The following SRR variants were observed in gnomAD, a reference collection of about 807,000 sequenced individuals.
SRR encodes the protein serine racemase, also known as D-serine ammonia-lyase.
A neutral mutation model predicts 32.7 loss-of-function variants in SRR; 19 were observed. That is an observed-to-expected ratio of 0.58 (90% CI 0.40 to 0.85). The LOEUF (loss-of-function observed/expected upper bound fraction) is 0.85. Among genes scored for constraint, SRR ranks in the 40% least tolerant of loss-of-function variants. SRR has a pLI of 0.00. For missense variants in SRR, 373 were observed against 404.7 expected (o/e 0.92, Z 0.67); for synonymous variants, 142 against 140.9 (o/e 1.01, Z -0.06).
rs538848706 is a variant in SRR at position 2,317,328 on chromosome 17, G to A, written c.169-542G>A. On this transcript the variant is annotated intron_variant, in intron 2 of 7. Transcript: ENST00000344595. ...AGATCGAGACCATCCTGGCTAACAC[G>A]GGGAAACCCCGTCGCTACTAAAAAT... Among the ~76,000 whole-genome samples the A allele has an allele frequency of 3.9e-4, 59 of 151,612 alleles. No individual in the cohort carries two copies. In the Middle Eastern group the frequency reaches 0.017, roughly 44 times the overall value.
At chr17:2,307,851 A>G in intron 1 of SRR, 3 of 649,034 alleles carry the variant, frequency 4.6e-6, no homozygotes, top group South Asian at 4.6e-5. Flanking sequence ...TATGTTTTAG[A>G]CAAATACTCA....
chr17:2,319,756 G>A (rs2151435531), intron 4 of SRR, among the ~76,000 whole-genome samples: 1 of 151,650 alleles, frequency 6.6e-6, no homozygotes, highest in Non-Finnish European at 1.5e-5. Context: ...ATCCACCCTT[G>A]CCACACTACA....
In SRR at chr17:2,322,992, T is replaced by C. The variant is rs551045573; in HGVS notation, c.595-144T>C. The stretch of plus-strand genomic sequence containing the variant: ...GTTGGCCAGGCTGGTCTTGAACTCC[T>C]GACCTCAGCTGATCCACCCGCCTCG... On this transcript the variant is annotated intron_variant, in intron 6 of 7. Transcript: ENST00000344595. 19 of 750,212 alleles carry C rather than the reference T, an allele frequency of 2.5e-5. No homozygotes were observed. In the African/African-American group the frequency reaches 2.6e-4, roughly 10 times the overall value. 46.5% of individuals were successfully genotyped at this position (750,212 alleles called of 1,614,324 possible).
intron 1 of SRR, among the ~76,000 whole-genome samples, chr17:2,305,135 T>C (rs572599707): frequency 1.3e-5 from 2 of 152,308 alleles, no homozygotes; most frequent in Admixed American, 6.5e-5. Context: ...CAGTAGATGA[T>C]GGGTGAAAAG....
chr17:2,303,595 GGGCA>G, upstream of SRR: 1 of 1,390,884 alleles, frequency 7.2e-7, no homozygotes, highest in Non-Finnish European at 9.3e-7. Context: ...GAGGCGGGGC[GGGCA>G]GGCCCGGCCC....
upstream of SRR, chr17:2,303,594 C>G (rs1370542007): frequency 3.6e-6 from 5 of 1,380,042 alleles, no homozygotes; most frequent in Middle Eastern, 5.2e-4. Flanking sequence ...GGAGGCGGGG[C>G]GGGCAGGCCC....
intron 2 of SRR, 115 bp from the exon 3 acceptor site, chr17:2,317,755 A>C (rs959057692): frequency 8.9e-7 from 1 of 1,119,886 alleles, no homozygotes. Context: ...GTAAATCGAT[A>C]AGATTTGGTG....
intron 1 of SRR, among the ~76,000 whole-genome samples, chr17:2,308,860 T>C (rs2075413535): frequency 6.6e-6 from 1 of 151,956 alleles, no homozygotes; most frequent in African/African-American, 2.4e-5. Flanking sequence ...GGCTCATACC[T>C]GTAATCCCAG....
intron 4 of SRR, among the ~76,000 whole-genome samples, chr17:2,320,970 G>GATACCCCC (rs1174645864): frequency 6.6e-6 from 1 of 152,194 alleles, no homozygotes; most frequent in East Asian, 1.9e-4. Flanking sequence ...TCTTTGCACT[G>GATACCCCC]TTACCCCCTC....
chr17:2,305,946 G>A (rs1277858618), intron 1 of SRR, among the ~76,000 whole-genome samples: 4 of 151,256 alleles, frequency 2.6e-5, no homozygotes, highest in East Asian at 3.9e-4. Flanking sequence ...TGATCCACCC[G>A]CCTCAACCTC....
At chr17:2,318,619 A>ATTTTTGTT (rs2075498362) in intron 3 of SRR, among the ~76,000 whole-genome samples, 1 of 92,550 alleles carries the variant, frequency 1.1e-5, no homozygotes, top group East Asian at 3.2e-4. Context: ...ATGCCTGGCT[A>ATTTTTGTT]TTTTTTTTTT....
Position 2,318,877 on chromosome 17 carries a change from T to C in SRR, c.347T>C (p.Leu116Pro). ...VPQTAPDCKK[L>P]AIQAYGASIV... ...CAGACAGCTCCAGACTGTAAAAAAC[T>C]TGCAATACAAGCCTACGGAGCGTCA... Residue 116 changes from leucine (L) to proline (P), a missense_variant, in exon 4 of 8, where the codon CTT (leucine) becomes CCT (proline). Leu to Pro is a moderately conservative substitution (Grantham distance 98). Coordinates refer to ENST00000344595, the MANE Select transcript of SRR (RefSeq NM_021947.3). The C allele has an allele frequency of 6.2e-7, 1 of 1,613,860 alleles. No homozygotes were observed. The highest frequency in any genetic ancestry group is 8.5e-7 in the Non-Finnish European group (1 of 1,179,910).
intron 7 of SRR, 100 bp from the exon 8 acceptor site, chr17:2,323,555 A>G: frequency 7.6e-7 from 1 of 1,323,476 alleles, no homozygotes. Context: ...GTACACAGTG[A>G]TAAGAAAATT....
chr17:2,317,793 G>A, intron 2 of SRR, 77 bp from the exon 3 acceptor site: 1 of 1,500,236 alleles, frequency 6.7e-7, no homozygotes, highest in Non-Finnish European at 9.1e-7. Context: ...GTTAAGGATA[G>A]AAAATCTAGA....
At chr17:2,321,118 C>G (rs915997875) in intron 4 of SRR, among the ~76,000 whole-genome samples, 188 bp from the exon 5 acceptor site, 1 of 152,196 alleles carries the variant, frequency 6.6e-6, no homozygotes, top group African/African-American at 2.4e-5. Flanking sequence ...CATATATTTA[C>G]TTCATCCATC....
chr17:2,312,199 G>C (rs1053805924), intron 1 of SRR, among the ~76,000 whole-genome samples: 1 of 139,662 alleles, frequency 7.2e-6, no homozygotes, highest in Non-Finnish European at 1.5e-5. Context: ...CTGGACAACA[G>C]AGTGAGACCT....
rs562596554 is a variant in SRR, at chr17:2,313,404, T to C, written c.-4-2153T>C. On this transcript the variant is annotated intron_variant, in intron 1 of 7. Coordinates refer to ENST00000344595, the MANE Select transcript of SRR (RefSeq NM_021947.3). ...GAGATGGCGCCACCGCACTCCAGCC[T>C]GGCGGCAGAGCAAGACTCTCTCAAA... 3.5e-5 allele frequency among the ~76,000 whole-genome samples: 5 copies of C among 144,644 alleles called. No homozygotes were observed. In the East Asian group the frequency reaches 1.0e-3, roughly 29 times the overall value. The allele number at this position is 144,644 out of a possible 152,430, so 94.9% of individuals were successfully genotyped here. A position where few individuals can be genotyped will look rare whatever the true frequency, so the allele number is the denominator to read the frequency against.
chr17:2,318,835 C>T lies in SRR; in HGVS notation c.305C>T (p.Ala102Val). The change falls in exon 4 of 8, where the codon GCT becomes GTT. Residue 102 changes from alanine (A) to valine (V), a missense_variant. By Grantham distance (64) the Ala-to-Val change is moderately conservative. Coordinates refer to ENST00000344595, the MANE Select transcript of SRR (RefSeq NM_021947.3). ...TYAAKLEGIP[A>V]YIVVPQTAPD... ...CGTTTTCCTCTCCCAGGAATTCCTG[C>T]TTATATTGTGGTGCCCCAGACAGCT... 1.9e-6 allele frequency: 3 copies of T among 1,612,936 alleles called. No individual in the cohort carries two copies. Among genetic ancestry groups the T allele is most frequent in the Non-Finnish European group, 2.5e-6 (3 of 1,179,238 alleles).
At position 2,323,301 on chromosome 17, in the gene SRR, G is replaced by C; in HGVS notation, c.760G>C (p.Asp254His). The C allele has an allele frequency of 2.5e-6, 4 of 1,614,050 alleles. No homozygotes were observed. The highest frequency in any genetic ancestry group is 3.4e-6 in the Non-Finnish European group (4 of 1,179,938). ...IGLNTWPIIRDLVDDIFTVTE... is the reference protein window; with the variant it reads ...IGLNTWPIIRHLVDDIFTVTE... ...CTTGAACACCTGGCCTATTATCAGG[G>C]ACCTTGTGGATGATATCTTCACTGT... Residue 254 changes from aspartate (D) to histidine (H), a missense_variant, in exon 7 of 8, where the codon GAC becomes CAC. Coordinates refer to ENST00000344595, the MANE Select transcript of SRR (RefSeq NM_021947.3).
Sources: gnomAD v4.1 joint callset for allele counts (sites outside exome capture counted in the v4.1 genomes callset) on GRCh38, gnomAD v4.1.1 for gene constraint, MANE v1.5 for transcripts, NCBI Gene and HGNC (gene_info 2026-07-23, HGNC 2026-07-21) for gene names.